Variants in RFPL3 observed in about 807,000 individuals in gnomAD.
RFPL3 encodes ret finger protein-like 3.
RFPL3 carries 8 observed loss-of-function variants against 8.7 expected under a neutral mutation model. That is an observed-to-expected ratio of 0.92 (90% CI 0.54 to 1.66). RFPL3 has a LOEUF of 1.66. Ranked by LOEUF, RFPL3 falls within the 40% of genes most tolerant of loss-of-function variation. RFPL3 has a pLI of 0.00. For missense variants in RFPL3, 341 were observed against 395.0 expected, an observed-to-expected ratio of 0.86 and a Z score of 1.16; for synonymous variants, 145 against 150.5, an observed-to-expected ratio of 0.96 and a Z score of 0.27.
chr22:32,360,887 G>C lies in RFPL3; in HGVS notation c.*55G>C, dbSNP rs574421650. 1.3e-6 allele frequency: 2 copies of C among 1,483,152 alleles called. No homozygotes were observed. Among genetic ancestry groups the C allele is most frequent in the South Asian group, 1.4e-5 (1 of 69,020 alleles). The allele number at this position is 1,483,152 out of a possible 1,614,324, so 91.9% of individuals were successfully genotyped here. A position where few individuals can be genotyped will look rare whatever the true frequency, so the allele number is the denominator to read the frequency against. On this transcript the variant is annotated 3_prime_UTR_variant, in exon 2 of 2. Transcript: ENST00000249007. ...AAAATTACTTGGGTGGGTAGACTTA[G>C]GAATTTTCTACTTGGTAAAAGCATT...
chr22:32,355,950 TCCTGAGCCA>T (rs1932654628), upstream of RFPL3, among the ~76,000 whole-genome samples: 1 of 152,138 alleles, frequency 6.6e-6, no homozygotes, highest in African/African-American at 2.4e-5. Flanking sequence ...TTCACAAGCA[TCCTGAGCCA>T]CCTGCTGGCC....
chr22:32,358,476 A>G, intron 1 of RFPL3, 32 bp downstream of exon 1: 1 of 1,584,576 alleles, frequency 6.3e-7, no homozygotes, highest in Non-Finnish European at 8.6e-7. Flanking sequence ...CCCCCTTCCC[A>G]AGACCAGACC....
In RFPL3 at chr22:32,360,908, G is replaced by C; in HGVS notation, c.*76G>C. 1 of 1,377,908 alleles carries C rather than the reference G, an allele frequency of 7.3e-7. No individual in the cohort carries two copies. 85.4% of individuals were successfully genotyped at this position (1,377,908 alleles called of 1,614,324 possible). A position where few individuals can be genotyped will look rare whatever the true frequency, so the allele number is the denominator to read the frequency against. The stretch of plus-strand genomic sequence containing the variant: ...CTTAGGAATTTTCTACTTGGTAAAA[G>C]CATTATACAGTCATAGGAGAAAGAT... On this transcript the variant is annotated 3_prime_UTR_variant, in exon 2 of 2. Coordinates refer to ENST00000249007, the MANE Select transcript of RFPL3 (RefSeq NM_001098535.1).
chr22:32,358,565 T>A lies in RFPL3; in HGVS notation c.373+121T>A, dbSNP rs556509308. The A allele has an allele frequency of 2.0e-5, 28 of 1,369,882 alleles. 1 individual carries two copies. The Admixed American group carries it at 4.3e-4, about 21-fold the overall frequency. The allele number at this position is 1,369,882 out of a possible 1,614,324, so 84.9% of individuals were successfully genotyped here. A position where few individuals can be genotyped will look rare whatever the true frequency, so the allele number is the denominator to read the frequency against. ...GTCTGGCACCTAAAATTGAGATGCT[T>A]CATCATCACATTCTCAGCCCTGACA... is the stretch of plus-strand genomic sequence containing the variant. On this transcript the variant is annotated intron_variant, in intron 1 of 1. Coordinates refer to ENST00000249007, the MANE Select transcript of RFPL3 (RefSeq NM_001098535.1).
chr22:32,360,019 C>T (rs1290671452), intron 1 of RFPL3: 5 of 561,712 alleles, frequency 8.9e-6, no homozygotes, highest in Middle Eastern at 4.7e-4. Flanking sequence ...GAAGCAAACA[C>T]GTGACGTAAA....
chr22:32,356,179 T>G (rs1213008372), upstream of RFPL3, among the ~76,000 whole-genome samples: 2 of 149,948 alleles, frequency 1.3e-5, no homozygotes, highest in African/African-American at 4.9e-5. Context: ...AGGCCCAGAG[T>G]AGGATTTCAA....
upstream of RFPL3, among the ~76,000 whole-genome samples, chr22:32,355,951 C>T (rs187781948): frequency 3.7e-4 from 55 of 147,064 alleles, 1 homozygote; most frequent in East Asian, 0.011. Flanking sequence ...TCACAAGCAT[C>T]CTGAGCCACC....
At chr22:32,357,467 G>GC (rs201203021), upstream of RFPL3, among the ~76,000 whole-genome samples, 2 of 139,010 alleles carry the variant, frequency 1.4e-5, no homozygotes, top group Admixed American at 1.5e-4. Flanking sequence ...ACTGCATCCA[G>GC]CCCCCTTTTT....
intron 1 of RFPL3, among the ~76,000 whole-genome samples, chr22:32,359,495 C>T (rs796104068): frequency 4.6e-5 from 7 of 152,138 alleles, no homozygotes; most frequent in African/African-American, 1.4e-4. Context: ...TGAGAATTGG[C>T]GGCTTCACCT....
In RFPL3 at chr22:32,360,903, TA is replaced by T; in HGVS notation, c.*75del. Reference sequence around the variant, plus strand: ...GTAGACTTAGGAATTTTCTACTTGGTAAAAGCATTATACAGTCATAGGAGAA... The same window carrying T: ...GTAGACTTAGGAATTTTCTACTTGGTAAAGCATTATACAGTCATAGGAGAA... On this transcript the variant is annotated 3_prime_UTR_variant, in exon 2 of 2. Transcript: ENST00000249007. 2.8e-6 allele frequency: 4 copies of T among 1,421,840 alleles called. No individual in the cohort carries two copies. Among genetic ancestry groups the T allele is most frequent in the Non-Finnish European group, 3.8e-6 (4 of 1,054,478 alleles). The allele number at this position is 1,421,840 out of a possible 1,614,324, so 88.1% of individuals were successfully genotyped here.
In RFPL3 at chr22:32,360,842, G is replaced by GA; in HGVS notation, c.*10_*11insA. 1 of 1,499,784 alleles carries GA rather than the reference G, an allele frequency of 6.7e-7. No individual in the cohort carries two copies. The allele number at this position is 1,499,784 out of a possible 1,614,324, so 92.9% of individuals were successfully genotyped here. ...TGGGGAGGCCAAATAAGCCGCCACT[G>GA]CAAAAAAAAACAGGGTCAGAAAATT... On this transcript the variant is annotated 3_prime_UTR_variant, in exon 2 of 2. Coordinates refer to ENST00000249007, the MANE Select transcript of RFPL3 (RefSeq NM_001098535.1).
upstream of RFPL3, chr22:32,357,003 C>G (rs116379319): frequency 0.012 from 5,397 of 461,084 alleles, 213 homozygotes; most frequent in African/African-American, 0.098. Flanking sequence ...GGTGGGCGAG[C>G]GGCAGGAGGT....
chr22:32,356,124 G>C (rs1019786660), upstream of RFPL3, among the ~76,000 whole-genome samples: 1 of 152,168 alleles, frequency 6.6e-6, no homozygotes, highest in Non-Finnish European at 1.5e-5. Flanking sequence ...GGGCTGGGGA[G>C]CTGGGCAGAG....
At position 32,360,768 on chromosome 22, in the gene RFPL3, G is replaced by GC; in HGVS notation, c.891dup (p.Ile298HisfsTer11). On this transcript the variant is annotated frameshift_variant, in exon 2 of 2. Transcript: ENST00000249007. LOFTEE classifies it low-confidence loss of function (END_TRUNC). Reference sequence around the variant, plus strand: ...CCTAATGGTGATCAAGGTGTCTTGAGCATCTGTCCTTTGATGAACTCAGGC... The same window carrying GC: ...CCTAATGGTGATCAAGGTGTCTTGAGCCATCTGTCCTTTGATGAACTCAGGC... 1 of 1,609,378 alleles carries GC rather than the reference G, an allele frequency of 6.2e-7. No homozygotes were observed. Among genetic ancestry groups the GC allele is most frequent in the South Asian group, 1.1e-5 (1 of 90,304 alleles).
chr22:32,359,696 C>T (rs957084021), intron 1 of RFPL3, among the ~76,000 whole-genome samples: 1 of 152,180 alleles, frequency 6.6e-6, no homozygotes, highest in African/African-American at 2.4e-5. Flanking sequence ...GGTCCCCCTC[C>T]TCCACCTGGC....
At chr22:32,357,576 C>T (rs113163661), upstream of RFPL3, among the ~76,000 whole-genome samples, 4,101 of 152,232 alleles carry the variant, frequency 0.027, 181 homozygotes, top group African/African-American at 0.094. Flanking sequence ...AAGCGATTCT[C>T]CTGCCAAAGC....
At chr22:32,360,024 C>A in intron 1 of RFPL3, 1 of 575,390 alleles carries the variant, frequency 1.7e-6, no homozygotes. Context: ...AAACACGTGA[C>A]GTAAAGTAAA....
In RFPL3 at chr22:32,358,853, G is replaced by T. The variant is rs1363536358; in HGVS notation, c.373+409G>T. Among the ~76,000 whole-genome samples the T allele has an allele frequency of 2.6e-5, 4 of 152,254 alleles. No individual in the cohort carries two copies. The East Asian group carries it at 5.8e-4, about 22-fold the overall frequency. ...TGAATCTGACATTAAGATGGGCCTG[G>T]TATTTCTAATGCACAGTGAATATTG... On this transcript the variant is annotated intron_variant, in intron 1 of 1. Coordinates refer to ENST00000249007, the MANE Select transcript of RFPL3 (RefSeq NM_001098535.1).
chr22:32,355,367 G>A (rs576391003), upstream of RFPL3, among the ~76,000 whole-genome samples: 6 of 152,236 alleles, frequency 3.9e-5, 1 homozygote, highest in African/African-American at 1.2e-4. Context: ...TATGTTCTCT[G>A]TCTCCACACC....
Sources: gnomAD v4.1 joint callset for allele counts (sites outside exome capture counted in the v4.1 genomes callset) on GRCh38, gnomAD v4.1.1 for gene constraint, MANE v1.5 for transcripts, NCBI Gene and HGNC (gene_info 2026-07-23, HGNC 2026-07-21) for gene names.